The following SYNJ2 variants were observed in gnomAD, a reference collection of about 807,000 sequenced individuals.
The protein encoded by SYNJ2 is synaptojanin 2, also known as polyphosphatidylinositol phosphatase SYNJ2.
In SYNJ2, 116 loss-of-function variants were observed where a neutral mutation model predicts 141.3. The observed-to-expected ratio is 0.82, with a 90% CI of 0.71 to 0.96. The LOEUF is 0.96. Ranked by LOEUF, SYNJ2 falls within the 40% of genes least tolerant of loss-of-function variation. The probability of loss-of-function intolerance (pLI) is 0.00; values close to 1 mark genes in which losing one functional copy is unlikely to be tolerated. For synonymous variants in SYNJ2, 745 were observed against 777.7 expected (o/e 0.96, Z 0.70); for missense variants, 1,873 against 1,934.8 (o/e 0.97, Z 0.60).
At chr6:158,010,784 G>A (rs762757529) in intron 1 of SYNJ2, among the ~76,000 whole-genome samples, 1 of 152,194 alleles carries the variant, frequency 6.6e-6, no homozygotes, top group Non-Finnish European at 1.5e-5. Context: ...GGAGGGACAT[G>A]TGGGGAGAGG....
intron 1 of SYNJ2, among the ~76,000 whole-genome samples, chr6:157,989,923 G>A (rs1777355398): frequency 6.6e-6 from 1 of 152,152 alleles, no homozygotes. Context: ...GGGGCTAGGA[G>A]GCTCTGCCAA....
intron 1 of SYNJ2, among the ~76,000 whole-genome samples, chr6:158,013,693 G>A (rs1778350518): frequency 6.6e-6 from 1 of 152,214 alleles, no homozygotes. Flanking sequence ...TGGCAAAAAT[G>A]TGTTACCCGA....
intron 1 of SYNJ2, among the ~76,000 whole-genome samples, chr6:158,006,588 CCACT>C (rs1778078615): frequency 6.6e-6 from 1 of 152,182 alleles, no homozygotes; most frequent in African/African-American, 2.4e-5. Flanking sequence ...TCGGTGCCCT[CCACT>C]CACTCCCTAG....
At chr6:158,073,447 C>T (rs9347995) in intron 15 of SYNJ2, among the ~76,000 whole-genome samples, 13,111 of 152,238 alleles carry the variant, frequency 0.086, 820 homozygotes, top group East Asian at 0.29. Context: ...ATCCGCCTGC[C>T]TCAGCCTCCC....
chr6:157,995,197 G>A (rs1777594294), intron 1 of SYNJ2, among the ~76,000 whole-genome samples: 1 of 152,220 alleles, frequency 6.6e-6, no homozygotes, highest in Admixed American at 6.5e-5. Flanking sequence ...AATAGCCCCA[G>A]ACTTCTAGGG....
chr6:158,003,012 G>T (rs563890712), intron 1 of SYNJ2, among the ~76,000 whole-genome samples: 1 of 152,250 alleles, frequency 6.6e-6, no homozygotes, highest in African/African-American at 2.4e-5. Context: ...ACAGCTCAGT[G>T]CAGGGAGGGG....
chr6:158,002,790 G>A (rs1392263825), intron 1 of SYNJ2, among the ~76,000 whole-genome samples: 5 of 152,224 alleles, frequency 3.3e-5, no homozygotes, highest in Non-Finnish European at 7.3e-5. Flanking sequence ...TGCCTGTTCT[G>A]CCTCATCCTG....
intron 26 of SYNJ2, chr6:158,094,015 A>T (rs1783641648): frequency 1.3e-6 from 1 of 765,032 alleles, no homozygotes; most frequent in Non-Finnish European, 2.4e-6. Flanking sequence ...GTTTGATCTC[A>T]GTGTTCTAGT....
At chr6:158,051,364 C>T (rs561769448) in intron 5 of SYNJ2, among the ~76,000 whole-genome samples, 91 of 152,078 alleles carry the variant, frequency 6.0e-4, no homozygotes, top group African/African-American at 2.6e-4. Context: ...TACACAGACC[C>T]GCTGACTTCC....
chr6:158,049,040 G>T (rs1246507264), intron 5 of SYNJ2, among the ~76,000 whole-genome samples: 1 of 152,138 alleles, frequency 6.6e-6, no homozygotes, highest in Non-Finnish European at 1.5e-5. Flanking sequence ...GGGTGCAGGG[G>T]AGAGGTGTGG....
rs931508071 is a variant in SYNJ2 at position 158,040,518 on chromosome 6, G to T, written c.712-2798G>T. 2.0e-5 allele frequency among the ~76,000 whole-genome samples: 3 copies of T among 149,922 alleles called. No homozygotes were observed. The highest frequency in any genetic ancestry group is 4.4e-5 in the Non-Finnish European group (3 of 67,882). ...CCACACAGAAAAACAAGACCAAAAA[G>T]TCCCCTCAGTCTATTAAAAAAAAAA... On this transcript the variant is annotated intron_variant, in intron 4 of 26. Coordinates refer to ENST00000355585, the MANE Select transcript of SYNJ2 (RefSeq NM_003898.4). The surrounding 1 kb of genome is among the most constrained non-coding windows in gnomAD (Gnocchi z 4.2).
chr6:158,081,355 T>G (rs753486908), intron 19 of SYNJ2, 28 bp downstream of exon 19: 68 of 1,611,934 alleles, frequency 4.2e-5, no homozygotes, highest in Middle Eastern at 1.6e-4. Flanking sequence ...TGATGTGGGT[T>G]CCAGGGGATG....
At chr6:157,998,266 C>G (rs1257253458) in intron 1 of SYNJ2, among the ~76,000 whole-genome samples, 1 of 152,216 alleles carries the variant, frequency 6.6e-6, no homozygotes, top group East Asian at 1.9e-4. Context: ...TATAAAATTA[C>G]CAGCCTTACA....
intron 7 of SYNJ2, among the ~76,000 whole-genome samples, chr6:158,060,448 C>T (rs370704959): frequency 1.3e-5 from 2 of 152,200 alleles, no homozygotes; most frequent in African/African-American, 4.8e-5. Context: ...AAAACTCTCT[C>T]GTTGTTTAAA....
Position 158,070,910 on chromosome 6 carries a change from C to T in SYNJ2, c.1941-692C>T, listed in dbSNP as rs146094806. On this transcript the variant is annotated intron_variant, in intron 14 of 26. Transcript: ENST00000355585. The surrounding 1 kb of genome is among the most constrained non-coding windows in gnomAD (Gnocchi z 4.0). ...CTTAAAGTGCATTGATTGCTGGGCA[C>T]GGTGTCTCACGCCTGTAATCCCAGC... 6.1e-3 allele frequency among the ~76,000 whole-genome samples: 930 copies of T among 152,306 alleles called. 8 individuals carry two copies. Among genetic ancestry groups the T allele is most frequent in the African/African-American group, 0.021 (886 of 41,562 alleles).
intron 1 of SYNJ2, chr6:158,001,449 T>G (rs953809267): frequency 2.1e-5 from 3 of 142,148 alleles, no homozygotes; most frequent in African/African-American, 5.3e-5. Flanking sequence ...CAGGCTGGAG[T>G]GCAATGGCAC....
At chr6:158,017,778 G>T (rs1271978932) in intron 2 of SYNJ2, 2 of 532,442 alleles carry the variant, frequency 3.8e-6, no homozygotes, top group Non-Finnish European at 7.7e-6. Flanking sequence ...GCAGGAACCT[G>T]CAGGTGGGGA....
At chr6:158,036,665 T>C (rs1779655020) in intron 4 of SYNJ2, among the ~76,000 whole-genome samples, 1 of 152,176 alleles carries the variant, frequency 6.6e-6, no homozygotes, top group African/African-American at 2.4e-5. Context: ...GAAAAATAAC[T>C]AGTGGGTGCT....
At chr6:158,068,798 C>T (rs1421754539) in intron 13 of SYNJ2, 70 bp downstream of exon 13, 1 of 1,559,766 alleles carries the variant, frequency 6.4e-7, no homozygotes, top group African/African-American at 1.4e-5. Flanking sequence ...AGCAGAGCCT[C>T]TGAGGCTCTC....
Sources: gnomAD v4.1 joint callset for allele counts (sites outside exome capture counted in the v4.1 genomes callset) on GRCh38, gnomAD v4.1.1 for gene constraint, Gnocchi (gnomAD v3.1) non-coding constraint, MANE v1.5 for transcripts, NCBI Gene and HGNC (gene_info 2026-07-23, HGNC 2026-07-21) for gene names.